The following BRINP1 variants were observed in gnomAD, a reference collection of about 807,000 sequenced individuals.
BRINP1 encodes the protein BMP/retinoic acid-inducible neural-specific protein 1.
In BRINP1, 17 loss-of-function variants were observed where a neutral mutation model predicts 72.9. That is an observed-to-expected ratio of 0.23 (90% CI 0.16 to 0.35). BRINP1 has a LOEUF of 0.35. Ranked by LOEUF, BRINP1 falls within the 10% of genes least tolerant of loss-of-function variation. The pLI, the probability that BRINP1 is intolerant of heterozygous loss-of-function variation, is 1.00. For missense variants in BRINP1, 850 were observed against 1,001.6 expected, an observed-to-expected ratio of 0.85 and a Z score of 2.04; for synonymous variants, 418 against 378.5, an observed-to-expected ratio of 1.10 and a Z score of -1.21.
At chr9:119,248,818 G>T in intron 3 of BRINP1, 142 bp downstream of exon 3, 1 of 684,850 alleles carries the variant, frequency 1.5e-6, no homozygotes, top group Non-Finnish European at 2.4e-6. Context: ...AGACAATTTG[G>T]CTTACCTGGC....
intron 1 of BRINP1, among the ~76,000 whole-genome samples, chr9:119,330,315 C>T (rs1831287001): frequency 6.6e-6 from 1 of 152,154 alleles, no homozygotes; most frequent in South Asian, 2.1e-4. Flanking sequence ...TTTCCAAACT[C>T]ACCTCACCAC....
intron 2 of BRINP1, among the ~76,000 whole-genome samples, chr9:119,307,311 G>A (rs1334579436): frequency 6.6e-6 from 1 of 152,040 alleles, no homozygotes; most frequent in Non-Finnish European, 1.5e-5. Context: ...CCTGGAGAAA[G>A]ATCCAAGCAT....
chr9:119,315,831 C>T (rs1401376082), intron 1 of BRINP1, among the ~76,000 whole-genome samples: 1 of 152,206 alleles, frequency 6.6e-6, no homozygotes, highest in East Asian at 1.9e-4. Flanking sequence ...ACAGTCACAA[C>T]ATTCCCTTAA....
chr9:119,337,935 T>G (rs1831363867), intron 1 of BRINP1, among the ~76,000 whole-genome samples: 1 of 152,190 alleles, frequency 6.6e-6, no homozygotes, highest in Non-Finnish European at 1.5e-5. Context: ...ACTGGGAACC[T>G]AGGATGCCTG....
chr9:119,275,339 CA>C, intron 2 of BRINP1, among the ~76,000 whole-genome samples: 1 of 152,250 alleles, frequency 6.6e-6, no homozygotes, highest in Middle Eastern at 3.4e-3. Context: ...CATATATTCC[CA>C]ACTCCCACAA....
At chr9:119,353,631 C>T (rs985234374) in intron 1 of BRINP1, among the ~76,000 whole-genome samples, 1 of 151,978 alleles carries the variant, frequency 6.6e-6, no homozygotes, top group Non-Finnish European at 1.5e-5. Context: ...TTTTCTGTCC[C>T]TGAATTTAAC....
At chr9:119,278,156 C>T (rs1830674416) in intron 2 of BRINP1, among the ~76,000 whole-genome samples, 1 of 152,162 alleles carries the variant, frequency 6.6e-6, no homozygotes, top group African/African-American at 2.4e-5. Flanking sequence ...TGGGACTCTT[C>T]TGTGTTTACA....
chr9:119,353,438 C>A (rs573690643), intron 1 of BRINP1, among the ~76,000 whole-genome samples: 2 of 152,280 alleles, frequency 1.3e-5, no homozygotes, highest in South Asian at 2.1e-4. Context: ...AGATGAGGAA[C>A]CTGAGGCTGA....
At chr9:119,247,352 G>C (rs948333331) in intron 3 of BRINP1, among the ~76,000 whole-genome samples, 1 of 151,896 alleles carries the variant, frequency 6.6e-6, no homozygotes, top group African/African-American at 2.4e-5. Context: ...GAAGTGAGTT[G>C]GTTAAAGAGA....
chr9:119,282,562 TG>T (rs543405118), intron 2 of BRINP1, among the ~76,000 whole-genome samples: 9 of 151,708 alleles, frequency 5.9e-5, no homozygotes, highest in Non-Finnish European at 1.2e-4. Flanking sequence ...AAAGCAAAAA[TG>T]GGTGATAAAA....
rs1829837794 is a variant in BRINP1 at position 119,204,916 on chromosome 9, T to C, written c.1145+3803A>G. On this transcript the variant is annotated intron_variant, in intron 7 of 7. Coordinates refer to ENST00000265922, the MANE Select transcript of BRINP1 (RefSeq NM_014618.3). ...CCCACCTTACCTTAACAAAGCCACC[T>C]GTTTGTGAGACAAGTAAACATCTCT... Among the ~76,000 whole-genome samples, 3 of 152,224 alleles carry C rather than the reference T, an allele frequency of 2.0e-5. No individual in the cohort carries two copies. The South Asian group carries it at 6.2e-4, about 32-fold the overall frequency.
intron 5 of BRINP1, among the ~76,000 whole-genome samples, chr9:119,235,581 T>C (rs916113513): frequency 6.6e-6 from 1 of 152,220 alleles, no homozygotes; most frequent in African/African-American, 2.4e-5. Flanking sequence ...TTGAAGCTCA[T>C]CTTCTCTAAT....
intron 2 of BRINP1, among the ~76,000 whole-genome samples, chr9:119,259,177 G>T (rs1480148871): frequency 6.6e-6 from 1 of 152,240 alleles, no homozygotes; most frequent in African/African-American, 2.4e-5. Context: ...GATGAGCACA[G>T]ACTTTACGGT....
rs1199826199 is a variant in BRINP1, at chr9:119,200,217, A to G, written c.1145+8502T>C. ...GTTTTTTGAATGGCTATTGTGTGAC[A>G]GGTCATGTGGTAGGAAGTTATAAGA... On this transcript the variant is annotated intron_variant, in intron 7 of 7. Coordinates refer to ENST00000265922, the MANE Select transcript of BRINP1 (RefSeq NM_014618.3). Among the ~76,000 whole-genome samples, 3 of 152,230 alleles carry G rather than the reference A, an allele frequency of 2.0e-5. No individual in the cohort carries two copies. In the East Asian group the frequency reaches 5.8e-4, roughly 29 times the overall value.
chr9:119,298,709 G>A (rs1304610965), intron 2 of BRINP1, among the ~76,000 whole-genome samples: 1 of 151,938 alleles, frequency 6.6e-6, no homozygotes, highest in Non-Finnish European at 1.5e-5. Flanking sequence ...TCCAGAACTT[G>A]CCATCTCCCA....
intron 5 of BRINP1, among the ~76,000 whole-genome samples, chr9:119,228,945 C>T (rs1456028664): frequency 6.6e-6 from 1 of 152,022 alleles, no homozygotes; most frequent in Non-Finnish European, 1.5e-5. Flanking sequence ...AATAAAGATC[C>T]ATTGAGAAAA....
intron 2 of BRINP1, among the ~76,000 whole-genome samples, chr9:119,311,818 A>C (rs1231152067): frequency 1.3e-5 from 2 of 152,090 alleles, no homozygotes; most frequent in African/African-American, 4.8e-5. Context: ...AGCTTGCAAC[A>C]CTCCACATTT....
chr9:119,353,136 G>A (rs1035562445), intron 1 of BRINP1, among the ~76,000 whole-genome samples: 4 of 152,092 alleles, frequency 2.6e-5, no homozygotes, highest in South Asian at 2.1e-4. Flanking sequence ...CGGTACCACC[G>A]AGGCAAGCCT....
intron 7 of BRINP1, among the ~76,000 whole-genome samples, chr9:119,184,084 G>T (rs372680220): frequency 6.6e-6 from 1 of 152,096 alleles, no homozygotes; most frequent in Non-Finnish European, 1.5e-5. Flanking sequence ...GAGCCACAGG[G>T]GGGGAGAAAA....
Sources: gnomAD v4.1 joint callset for allele counts (sites outside exome capture counted in the v4.1 genomes callset) on GRCh38, gnomAD v4.1.1 for gene constraint, MANE v1.5 for transcripts, NCBI Gene and HGNC (gene_info 2026-07-23, HGNC 2026-07-21) for gene names.